ARHGAP1: variants seen among roughly 807,000 people sequenced by gnomAD.
The protein encoded by ARHGAP1 is rho GTPase-activating protein 1.
Under a neutral mutation model 52.2 loss-of-function variants are expected in ARHGAP1, and 23 were observed. The observed-to-expected ratio is 0.44, with a 90% CI of 0.32 to 0.62. The LOEUF is 0.62. Ranked by LOEUF, ARHGAP1 falls within the 20% of genes least tolerant of loss-of-function variation. The pLI is 0.05. For missense variants in ARHGAP1, 480 were observed against 560.9 expected (o/e 0.86, Z 1.46); for synonymous variants, 210 against 228.4 (o/e 0.92, Z 0.73).
chr11:46,679,452 C>G lies in ARHGAP1; in HGVS notation c.1044G>C (p.Gln348His). The G allele has an allele frequency of 2.5e-6, 4 of 1,614,180 alleles. No homozygotes were observed. The South Asian group carries it at 3.3e-5, about 13-fold the overall frequency. Residue 348 changes from glutamine (Q) to histidine (H), a missense_variant, in exon 12 of 13, where the codon CAG (glutamine) becomes CAC (histidine). Physicochemically the swap from Gln to His is conservative, Grantham distance 24. Coordinates refer to ENST00000311956, the MANE Select transcript of ARHGAP1 (RefSeq NM_004308.5). The surrounding 1 kb of genome is among the most constrained non-coding windows in gnomAD (Gnocchi z 4.4). ...GGACCTGCAGTGTCGCTGGCACCCT[C>G]TGGCTTTCATCAATGTCTATGAGGA... ...VVGFLNIDES[Q>H]RVPATLQVLQ...
At chr11:46,684,789 T>C (rs1292262086) in intron 4 of ARHGAP1, among the ~76,000 whole-genome samples, 2 of 152,182 alleles carry the variant, frequency 1.3e-5, no homozygotes, top group Non-Finnish European at 2.9e-5. Flanking sequence ...AAAAATGTTA[T>C]GTAAGATACA....
In ARHGAP1 at chr11:46,680,435, C is replaced by T; in HGVS notation, c.820+52G>A. The T allele has an allele frequency of 2.5e-6, 4 of 1,607,464 alleles. No homozygotes were observed. Among genetic ancestry groups the T allele is most frequent in the South Asian group, 1.1e-5 (1 of 90,948 alleles). ...CCCTGCCCAGCAGCTTCCCCAGCTT[C>T]CTGAAGGGAGCCGGGAGACCTGGCT... On this transcript the variant is annotated intron_variant, in intron 9 of 12. Coordinates refer to ENST00000311956, the MANE Select transcript of ARHGAP1 (RefSeq NM_004308.5). The surrounding 1 kb of genome is among the most constrained non-coding windows in gnomAD (Gnocchi z 5.9).
rs1239178527 is a variant in ARHGAP1, at chr11:46,678,766, T to C, written c.*271A>G. ...AAAGGGGTTACTGGGGCTCAGTCCT[T>C]CTCCAGCTGGAAGAGCCAAGCCCAG... On this transcript the variant is annotated 3_prime_UTR_variant, in exon 13 of 13. Coordinates refer to ENST00000311956, the MANE Select transcript of ARHGAP1 (RefSeq NM_004308.5). 7 of 481,770 alleles carry C rather than the reference T, an allele frequency of 1.5e-5. No individual in the cohort carries two copies. Among genetic ancestry groups the C allele is most frequent in the Non-Finnish European group, 2.6e-5 (7 of 270,506 alleles). The allele number at this position is 481,770 out of a possible 1,614,324, so 29.8% of individuals were successfully genotyped here.
intron 3 of ARHGAP1, among the ~76,000 whole-genome samples, chr11:46,691,832 C>T (rs558433978): frequency 4.9e-4 from 75 of 152,338 alleles, no homozygotes; most frequent in African/African-American, 1.7e-3. Flanking sequence ...AGATGATCTG[C>T]ACGCCTCAGC....
At chr11:46,699,717 AAAG>A (rs1206340316) in intron 1 of ARHGAP1, among the ~76,000 whole-genome samples, 17 of 151,894 alleles carry the variant, frequency 1.1e-4, no homozygotes, top group Admixed American at 5.2e-4. Context: ...AAAAAAAAGA[AAAG>A]AAATCATATT....
intron 2 of ARHGAP1, 30 bp from the exon 3 acceptor site, chr11:46,695,785 G>C (rs1414206760): frequency 6.4e-7 from 1 of 1,553,124 alleles, no homozygotes; most frequent in African/African-American, 1.4e-5. Flanking sequence ...CAGGGGACAA[G>C]CCAGGGGGCT....
chr11:46,693,260 T>G (rs2064628147), intron 3 of ARHGAP1, among the ~76,000 whole-genome samples: 1 of 151,496 alleles, frequency 6.6e-6, no homozygotes, highest in African/African-American at 2.4e-5. Context: ...CTTCCCAAAG[T>G]GCTGGGATTA....
chr11:46,693,465 G>A (rs963350810), intron 3 of ARHGAP1, among the ~76,000 whole-genome samples: 18 of 151,834 alleles, frequency 1.2e-4, no homozygotes, highest in African/African-American at 4.4e-4. Flanking sequence ...GAGTGCAGTG[G>A]TTCAATCATA....
Position 46,679,009 on chromosome 11 carries a change from G to C in ARHGAP1, c.*28C>G, listed in dbSNP as rs757833476. 1 of 1,612,062 alleles carries C rather than the reference G, an allele frequency of 6.2e-7. No individual in the cohort carries two copies. Among genetic ancestry groups the C allele is most frequent in the Non-Finnish European group, 8.5e-7 (1 of 1,178,578 alleles). On this transcript the variant is annotated 3_prime_UTR_variant, in exon 13 of 13. Transcript: ENST00000311956. The surrounding 1 kb of genome is among the most constrained non-coding windows in gnomAD (Gnocchi z 4.4). ...AAGAGTCCAAACCCGGGCTACCAGA[G>C]AAGGGGCTGGTGGGGCAGGGGCCAG...
At chr11:46,693,996 G>C (rs764502193) in intron 3 of ARHGAP1, among the ~76,000 whole-genome samples, 8 of 152,170 alleles carry the variant, frequency 5.3e-5, no homozygotes, top group Non-Finnish European at 1.2e-4. Context: ...TCCCGGCAGG[G>C]AGAGCTGAGG....
intron 3 of ARHGAP1, among the ~76,000 whole-genome samples, chr11:46,689,081 CAAA>C (rs566135089): frequency 3.3e-5 from 3 of 90,264 alleles, no homozygotes; most frequent in Non-Finnish European, 4.5e-5. Flanking sequence ...AAGAGTGTCT[CAAA>C]AAAAAAAAAA....
At chr11:46,685,722 A>C (rs1210314247) in intron 4 of ARHGAP1, among the ~76,000 whole-genome samples, 3 of 132,210 alleles carry the variant, frequency 2.3e-5, no homozygotes, top group Non-Finnish European at 3.1e-5. Context: ...TCTGTTGCCC[A>C]GGCTGGAGTG....
At position 46,685,433 on chromosome 11, in the gene ARHGAP1, T is replaced by C. The variant is rs191869375; in HGVS notation, c.317+2740A>G. Among the ~76,000 whole-genome samples, 11 of 151,748 alleles carry C rather than the reference T, an allele frequency of 7.2e-5. No homozygotes were observed. The East Asian group carries it at 2.2e-3, about 30-fold the overall frequency. On this transcript the variant is annotated intron_variant, in intron 4 of 12. Transcript: ENST00000311956. ...ACCTCCGCCTCCTGGGTTCAGGTGA[T>C]TCTCCAGCCTCAGCCTCCTAAGTAG...
At chr11:46,692,371 G>A (rs1039989732) in intron 3 of ARHGAP1, among the ~76,000 whole-genome samples, 5 of 152,232 alleles carry the variant, frequency 3.3e-5, no homozygotes, top group African/African-American at 1.2e-4. Context: ...GACAATGGGG[G>A]CTACCAAAAG....
Position 46,678,930 on chromosome 11 carries a change from G to T in ARHGAP1, c.*107C>A. On this transcript the variant is annotated 3_prime_UTR_variant, in exon 13 of 13. Coordinates refer to ENST00000311956, the MANE Select transcript of ARHGAP1 (RefSeq NM_004308.5). ...AGAGGTGGGGGAGAGCATGCCTGAT[G>T]GGTGGCTCCAACATCTCTCTCCAGG... 7.9e-7 allele frequency: 1 copy of T among 1,272,726 alleles called. No individual in the cohort carries two copies. Among genetic ancestry groups the T allele is most frequent in the Non-Finnish European group, 1.1e-6 (1 of 921,298 alleles). 78.8% of individuals were successfully genotyped at this position (1,272,726 alleles called of 1,614,324 possible). A position where few individuals can be genotyped will look rare whatever the true frequency, so the allele number is the denominator to read the frequency against.
At chr11:46,683,932 G>T (rs561774671) in intron 4 of ARHGAP1, among the ~76,000 whole-genome samples, 5 of 152,310 alleles carry the variant, frequency 3.3e-5, no homozygotes, top group East Asian at 1.9e-4. Context: ...GAGCCACTGC[G>T]CCCGGCCATA....
chr11:46,682,158 C>T lies in ARHGAP1; in HGVS notation c.342G>A (p.Gln114=), dbSNP rs755576810. The T allele has an allele frequency of 1.2e-6, 2 of 1,614,050 alleles. No individual in the cohort carries two copies. ...LLGYLKHTLD[Q]YVESDYTLLY... ...GAAGTGTGTAGTCACTCTCCACGTA[C>T]TGGTCCAGGGTGTGCTTCAGGTACC... Residue 114 remains glutamine, a synonymous_variant, in exon 5 of 13, where the codon CAG becomes CAA. Transcript: ENST00000311956.
At position 46,681,027 on chromosome 11, in the gene ARHGAP1, G is replaced by A. The variant is rs2134478432; in HGVS notation, c.619C>T (p.Pro207Ser). The A allele has an allele frequency of 6.2e-7, 1 of 1,614,086 alleles. No homozygotes were observed. Among genetic ancestry groups the A allele is most frequent in the African/African-American group, 1.3e-5 (1 of 75,058 alleles). Residue 207 changes from proline to serine, a missense_variant, in exon 7 of 13, where the codon CCT becomes TCT. By Grantham distance (74) the Pro-to-Ser change is moderately conservative. Coordinates refer to ENST00000311956, the MANE Select transcript of ARHGAP1 (RefSeq NM_004308.5). This position sits in a 1 kb window ranked among gnomAD's most constrained non-coding sequence, Gnocchi z 5.7. ...EHVKLEQLGI[P>S]RQVLKYDDFL... ...CCGCCTCACTTGAGCACTTGGCGAG[G>A]GATCCCCAGCTGCTCCAGCTTCACG...
intron 3 of ARHGAP1, among the ~76,000 whole-genome samples, chr11:46,692,878 C>T (rs1708007383): frequency 1.4e-5 from 2 of 146,668 alleles, no homozygotes; most frequent in Admixed American, 1.4e-4. Context: ...TTTGAGACGG[C>T]GTCTCGCTCT....
Sources: allele counts gnomAD v4.1 joint callset (sites outside exome capture counted in the v4.1 genomes callset), GRCh38; gene constraint gnomAD v4.1.1; non-coding constraint Gnocchi (gnomAD v3.1); transcripts MANE v1.5; gene names NCBI Gene and HGNC (gene_info 2026-07-23, HGNC 2026-07-21).